Variants in TLN2 observed in about 807,000 individuals in gnomAD.
TLN2 encodes the protein talin-2.
In TLN2, 118 loss-of-function variants were observed where a neutral mutation model predicts 294.7. The observed-to-expected ratio is 0.40, with a 90% CI of 0.34 to 0.47. The LOEUF is 0.47. Among genes scored for constraint, TLN2 ranks in the 20% least tolerant of loss-of-function variants. TLN2 has a pLI of 0.84. For missense variants in TLN2, 3,083 were observed against 3,282.2 expected, an observed-to-expected ratio of 0.94 and a Z score of 1.48; for synonymous variants, 1,431 against 1,304.5, an observed-to-expected ratio of 1.10 and a Z score of -2.09.
At chr15:62,645,975 A>C (rs1174272826) in intron 3 of TLN2, among the ~76,000 whole-genome samples, 1 of 152,182 alleles carries the variant, frequency 6.6e-6, no homozygotes, top group Non-Finnish European at 1.5e-5. Context: ...GCTTGGGTTA[A>C]GTGAGTAGGG....
chr15:62,630,646 T>A (rs1170287242), intron 3 of TLN2, among the ~76,000 whole-genome samples: 2 of 152,148 alleles, frequency 1.3e-5, no homozygotes, highest in African/African-American at 4.8e-5. Context: ...TTAATGAATG[T>A]TTTTTGGTCT....
At chr15:62,832,306 G>C (rs1297181108) in intron 54 of TLN2, 1 of 152,118 alleles carries the variant, frequency 6.6e-6, no homozygotes, top group East Asian at 1.9e-4. Context: ...CACATACAGA[G>C]AAAAGTATTG....
intron 9 of TLN2, among the ~76,000 whole-genome samples, chr15:62,663,339 T>C (rs1260717458): frequency 6.6e-6 from 1 of 152,176 alleles, no homozygotes; most frequent in Non-Finnish European, 1.5e-5. Context: ...TCTAAACAAG[T>C]ATGATAATTA....
rs750932549 is a variant in TLN2 at position 62,776,886 on chromosome 15, CGCCATTGCAGAA to C, written c.5496_5507del (p.Ile1832_Ala1835del). ...TGGGGCTGGTTGGGGGCATGGTGGA[CGCCATTGCAGAA>C]GCCATGAGCAAGGTGGGCATGGGCT... On this transcript the variant is annotated inframe_deletion, in exon 43 of 59. Transcript: ENST00000636159. The C allele has an allele frequency of 1.3e-6, 2 of 1,585,798 alleles. No homozygotes were observed. Among genetic ancestry groups the C allele is most frequent in the Non-Finnish European group, 1.7e-6 (2 of 1,165,404 alleles).
chr15:62,613,016 T>C (rs1229888823), intron 2 of TLN2, among the ~76,000 whole-genome samples: 4 of 151,942 alleles, frequency 2.6e-5, no homozygotes, highest in Non-Finnish European at 5.9e-5. Context: ...GATACAGGAG[T>C]AGTTAAGAGC....
rs534662953 is a variant in TLN2 at position 62,736,944 on chromosome 15, C to T, written c.3425C>T (p.Ala1142Val). 7.4e-6 allele frequency: 12 copies of T among 1,614,152 alleles called. No individual in the cohort carries two copies. The Admixed American group carries it at 1.7e-4, about 22-fold the overall frequency. ...GCCCAGGCCGCCCGTGGAGTGGCTG[C>T]ATCGACAACCGACCCCGCGGCCGCC... ...TLAQAARGVA[A>V]STTDPAAAHA... Residue 1142 changes from alanine to valine, a missense_variant, in exon 29 of 59, where the codon GCA (alanine) becomes GTA (valine). Coordinates refer to ENST00000636159, the MANE Select transcript of TLN2 (RefSeq NM_015059.3).
intron 32 of TLN2, among the ~76,000 whole-genome samples, chr15:62,748,098 G>A (rs944949427): frequency 6.6e-6 from 1 of 152,046 alleles, no homozygotes; most frequent in South Asian, 2.1e-4. Context: ...AACCCATGTT[G>A]TTCAAAGGTC....
intron 46 of TLN2, 28 bp downstream of exon 46, chr15:62,792,815 A>C (rs1382231071): frequency 6.2e-7 from 1 of 1,612,520 alleles, no homozygotes. Flanking sequence ...GTTTAGAGTC[A>C]CAAGAACCTG....
chr15:62,783,463 C>T (rs1203618555), intron 44 of TLN2, among the ~76,000 whole-genome samples: 1 of 152,244 alleles, frequency 6.6e-6, no homozygotes, highest in East Asian at 1.9e-4. Context: ...AGGGTGGGCC[C>T]TGGGCACTGG....
Position 62,755,532 on chromosome 15 carries a change from G to T in TLN2, c.4477G>T (p.Val1493Phe). 1 of 1,614,024 alleles carries T rather than the reference G, an allele frequency of 6.2e-7. No individual in the cohort carries two copies. The highest frequency in any genetic ancestry group is 8.5e-7 in the Non-Finnish European group (1 of 1,179,948). ...LVDPGSSPSQ[V>F]LSAATIVAKH... Reference sequence around the variant, plus strand: ...CCCAACCTAGCTCCATGCTTTGTAGGTCCTGTCAGCCGCCACAATTGTTGC... The same window carrying T: ...CCCAACCTAGCTCCATGCTTTGTAGTTCCTGTCAGCCGCCACAATTGTTGC... Residue 1493 changes from valine to phenylalanine, a missense_variant and splice_region_variant, in exon 37 of 59, where the codon GTC (valine) becomes TTC (phenylalanine). Transcript: ENST00000636159.
Position 62,619,867 on chromosome 15 carries a change from C to G in TLN2, c.-37+1392C>G, listed in dbSNP as rs954248095. Among the ~76,000 whole-genome samples the G allele has an allele frequency of 2.6e-5, 4 of 152,196 alleles. No homozygotes were observed. The South Asian group carries it at 8.3e-4, about 32-fold the overall frequency. ...TGTTTTAGGACACCAAGTTTGTGGT[C>G]ATTTTTTTTAGCTCTGGGGTACTAA... On this transcript the variant is annotated intron_variant, in intron 3 of 58. Transcript: ENST00000636159.
At chr15:62,600,817 C>T (rs1423335757) in intron 2 of TLN2, among the ~76,000 whole-genome samples, 1 of 152,144 alleles carries the variant, frequency 6.6e-6, no homozygotes, top group African/African-American at 2.4e-5. Flanking sequence ...TTTATTATTT[C>T]CTGTCACTAT....
chr15:62,829,422 A>G (rs142614290), intron 54 of TLN2: 18 of 152,194 alleles, frequency 1.2e-4, no homozygotes, highest in African/African-American at 4.3e-4. Flanking sequence ...AACAGATCTC[A>G]TGAAACTTAC....
intron 1 of TLN2, among the ~76,000 whole-genome samples, chr15:62,564,923 A>ATATATAT (rs1442472632): frequency 6.0e-4 from 61 of 102,120 alleles, no homozygotes; most frequent in Non-Finnish European, 7.9e-4. Context: ...AAAAAAAAAA[A>ATATATAT]AAATATATAT....
intron 1 of TLN2, among the ~76,000 whole-genome samples, chr15:62,576,722 T>C (rs532451401): frequency 1.6e-3 from 202 of 130,106 alleles, no homozygotes; most frequent in African/African-American, 5.4e-3. Context: ...GAGAAGACTT[T>C]GCTGTTTGAA....
intron 8 of TLN2, among the ~76,000 whole-genome samples, chr15:62,657,334 G>C (rs758322425): frequency 2.0e-5 from 3 of 151,918 alleles, no homozygotes; most frequent in Non-Finnish European, 4.4e-5. Context: ...TATTACATTG[G>C]TTTTTATCTG....
At chr15:62,664,084 A>C (rs768347952) in intron 9 of TLN2, among the ~76,000 whole-genome samples, 21 of 152,054 alleles carry the variant, frequency 1.4e-4, no homozygotes, top group Non-Finnish European at 2.6e-4. Flanking sequence ...AATTCAAAAG[A>C]TTGATAAATT....
intron 14 of TLN2, among the ~76,000 whole-genome samples, chr15:62,696,064 A>G (rs1242346552): frequency 1.3e-5 from 2 of 152,228 alleles, no homozygotes; most frequent in African/African-American, 4.8e-5. Context: ...CTGAGATCTC[A>G]GAATGCAACT....
intron 1 of TLN2, among the ~76,000 whole-genome samples, chr15:62,544,748 C>T (rs956283577): frequency 6.6e-6 from 1 of 151,374 alleles, no homozygotes; most frequent in South Asian, 2.1e-4. Context: ...TTTCTTCCCC[C>T]CCTCTAATCA....
Sources: allele counts gnomAD v4.1 joint callset (sites outside exome capture counted in the v4.1 genomes callset), GRCh38; gene constraint gnomAD v4.1.1; transcripts MANE v1.5; gene names NCBI Gene and HGNC (gene_info 2026-07-23, HGNC 2026-07-21).